The following CAPRIN2 variants were observed in gnomAD, a reference collection of about 807,000 sequenced individuals.
The protein encoded by CAPRIN2 is caprin-2.
Under a neutral mutation model 130.4 loss-of-function variants are expected in CAPRIN2, and 66 were observed. That is an observed-to-expected ratio of 0.51 (90% confidence interval 0.42 to 0.62). The LOEUF (loss-of-function observed/expected upper bound fraction) is 0.62. Ranked by LOEUF, CAPRIN2 falls within the 20% of genes least tolerant of loss-of-function variation. The probability of loss-of-function intolerance (pLI) is 0.00; values close to 1 mark genes in which losing one functional copy is unlikely to be tolerated. For synonymous variants in CAPRIN2, 471 were observed against 444.1 expected (o/e 1.06, Z -0.76); for missense variants, 1,185 against 1,246.6 (o/e 0.95, Z 0.74).
chr12:30,736,415 T>C (rs993002028), intron 3 of CAPRIN2, among the ~76,000 whole-genome samples: 1 of 149,668 alleles, frequency 6.7e-6, no homozygotes, highest in Admixed American at 6.6e-5. Context: ...AAAAAACCAC[T>C]AAGATTTTTC....
At chr12:30,717,030 G>T (rs2057817854) in intron 12 of CAPRIN2, among the ~76,000 whole-genome samples, 1 of 152,182 alleles carries the variant, frequency 6.6e-6, no homozygotes, top group South Asian at 2.1e-4. Flanking sequence ...AAAACAGTAT[G>T]CTGCCTTTTC....
intron 12 of CAPRIN2, among the ~76,000 whole-genome samples, chr12:30,717,965 A>T (rs938510187): frequency 1.3e-5 from 2 of 152,214 alleles, no homozygotes; most frequent in Non-Finnish European, 2.9e-5. Context: ...CTCAGTGATT[A>T]AGAACAGTGC....
chr12:30,719,529 T>G (rs962759245), intron 12 of CAPRIN2: 2 of 256,642 alleles, frequency 7.8e-6, no homozygotes, highest in Non-Finnish European at 1.5e-5. Context: ...TAATTTCCAG[T>G]TAAGAACCTA....
chr12:30,749,674 G>A (rs2072704519), intron 2 of CAPRIN2, among the ~76,000 whole-genome samples: 1 of 152,160 alleles, frequency 6.6e-6, no homozygotes, highest in Non-Finnish European at 1.5e-5. Flanking sequence ...TAAGATTAGA[G>A]GAGGAGCAGG....
intron 10 of CAPRIN2, 80 bp downstream of exon 11, chr12:30,724,290 A>G (rs2060248087): frequency 1.1e-6 from 1 of 871,904 alleles, no homozygotes; most frequent in South Asian, 1.4e-5. Flanking sequence ...CATCTAAAAT[A>G]AAATCATTTG....
chr12:30,743,425 A>G (rs2068443994), intron 2 of CAPRIN2, among the ~76,000 whole-genome samples: 1 of 152,188 alleles, frequency 6.6e-6, no homozygotes, highest in Admixed American at 6.5e-5. Flanking sequence ...GTTTTAGCTG[A>G]AGTTAGCAAT....
exon 8 of CAPRIN2, chr12:30,728,727 T>C: frequency 6.2e-7 from 1 of 1,614,154 alleles, no homozygotes; most frequent in South Asian, 1.1e-5. Flanking sequence ...TCCCCAGGAC[T>C]TTGGAGAAAT....
At chr12:30,730,175 C>A in intron 7 of CAPRIN2, 64 bp downstream of exon 8, 1 of 1,348,246 alleles carries the variant, frequency 7.4e-7, no homozygotes, top group East Asian at 2.3e-5. Flanking sequence ...CCTTAGCTTC[C>A]AACCATAACC....
chr12:30,726,563 C>A (rs114720479), intron 8 of CAPRIN2, among the ~76,000 whole-genome samples: 1 of 152,074 alleles, frequency 6.6e-6, no homozygotes, highest in Non-Finnish European at 1.5e-5. Context: ...GAGAGGGATA[C>A]ATATATTTTG....
intron 6 of CAPRIN2, 94 bp downstream of exon 7, chr12:30,731,249 A>G (rs1224246109): frequency 1.1e-6 from 1 of 925,122 alleles, no homozygotes; most frequent in African/African-American, 1.7e-5. Context: ...AGAACCTAAC[A>G]AATTAAAATA....
At chr12:30,743,797 G>C (rs2068608635) in intron 2 of CAPRIN2, among the ~76,000 whole-genome samples, 1 of 152,110 alleles carries the variant, frequency 6.6e-6, no homozygotes, top group South Asian at 2.1e-4. Flanking sequence ...AATTCCTCAG[G>C]ATTCTGTCCT....
At chr12:30,733,030 A>T (rs1361580662) in intron 5 of CAPRIN2, among the ~76,000 whole-genome samples, 4 of 152,028 alleles carry the variant, frequency 2.6e-5, no homozygotes, top group Non-Finnish European at 5.9e-5. Flanking sequence ...ATTTTTTTTT[A>T]AAAGGAAGCA....
intron 8 of CAPRIN2, among the ~76,000 whole-genome samples, chr12:30,726,611 C>T (rs2061009115): frequency 6.6e-6 from 1 of 152,092 alleles, no homozygotes; most frequent in African/African-American, 2.4e-5. Flanking sequence ...TACTGATATC[C>T]ATCCTAAATT....
intron 10 of CAPRIN2, 113 bp downstream of exon 11, chr12:30,724,257 A>T: frequency 1.4e-6 from 1 of 693,524 alleles, no homozygotes; most frequent in Non-Finnish European, 2.6e-6. Flanking sequence ...GTTAGAATAA[A>T]TTAATACACC....
At chr12:30,713,121 T>G (rs1302421385) in intron 15 of CAPRIN2, among the ~76,000 whole-genome samples, 1 of 152,198 alleles carries the variant, frequency 6.6e-6, no homozygotes, top group Admixed American at 6.5e-5. Context: ...ATAGGTATTT[T>G]ATATATTACC....
At chr12:30,712,733 C>CTTTTTTTTTTTTT (rs754373140) in intron 15 of CAPRIN2, among the ~76,000 whole-genome samples, 1 of 107,292 alleles carries the variant, frequency 9.3e-6, no homozygotes, top group Non-Finnish European at 1.8e-5. Context: ...GTTTTCCACT[C>CTTTTTTTTTTTTT]TTTTTTTTTT....
chr12:30,721,249 T>G (rs2059325215), intron 11 of CAPRIN2, among the ~76,000 whole-genome samples: 1 of 152,164 alleles, frequency 6.6e-6, no homozygotes, highest in African/African-American at 2.4e-5. Context: ...ACTACACATC[T>G]CATCCCATGT....
chr12:30,727,658 TGTAA>T (rs1469400689), intron 8 of CAPRIN2, among the ~76,000 whole-genome samples: 1 of 152,222 alleles, frequency 6.6e-6, no homozygotes. Flanking sequence ...AATTATTCAA[TGTAA>T]GTGTTATCTA....
exon 4 of CAPRIN2, chr12:30,735,183 G>C: frequency 6.2e-7 from 1 of 1,613,842 alleles, no homozygotes; most frequent in Non-Finnish European, 8.5e-7. Flanking sequence ...CCCTTCTCTG[G>C]GCCTTCTTTT....
Sources: allele counts gnomAD v4.1 joint callset (sites outside exome capture counted in the v4.1 genomes callset), GRCh38; gene constraint gnomAD v4.1.1; transcripts MANE v1.5; gene names NCBI Gene and HGNC (gene_info 2026-07-23, HGNC 2026-07-21).